WDR64: variants seen among roughly 807,000 people sequenced by gnomAD.
WDR64 encodes the protein WD repeat domain 64.
In WDR64, 112 loss-of-function variants were observed where a neutral mutation model predicts 139.3. The observed-to-expected ratio is 0.80, with a 90% confidence interval of 0.69 to 0.94. The LOEUF (loss-of-function observed/expected upper bound fraction) is 0.94, where lower values mean the gene tolerates loss of function less well. Ranked by LOEUF, WDR64 falls within the 40% of genes least tolerant of loss-of-function variation. The pLI is 0.00. For missense variants in WDR64, 1,206 were observed against 1,293.1 expected (o/e 0.93, Z 1.03); for synonymous variants, 444 against 437.7 (o/e 1.01, Z -0.18).
rs766802128 is a variant in WDR64 at position 241,784,953 on chromosome 1, G to GGAAAAAAAAAAAAAAAAAAA, written c.2705+1572_2705+1573insGAAAAAAAAAAAAAAAAAAA. 6.7e-4 allele frequency among the ~76,000 whole-genome samples: 42 copies of GGAAAAAAAAAAAAAAAAAAA among 62,248 alleles called. 12 individuals carry two copies. Among genetic ancestry groups the GGAAAAAAAAAAAAAAAAAAA allele is most frequent in the South Asian group, 2.7e-3 (3 of 1,108 alleles). 40.8% of individuals were successfully genotyped at this position (62,248 alleles called of 152,430 possible). A position where few individuals can be genotyped will look rare whatever the true frequency, so the allele number is the denominator to read the frequency against. ...TGGGCGACAGAGTGAGACTCTGTCT[G>GGAAAAAAAAAAAAAAAAAAA]AAAAAAAAAAAAAAAAAAAAAAAGA... On this transcript the variant is annotated intron_variant, in intron 23 of 27. Transcript: ENST00000437684.
chr1:241,671,301 G>C, intron 3 of WDR64, 125 bp downstream of exon 3: 1 of 664,680 alleles, frequency 1.5e-6, no homozygotes, highest in South Asian at 2.2e-5. Flanking sequence ...TTATCACTAG[G>C]TGTCGGGGGT....
chr1:241,669,408 T>C (rs933600876), intron 2 of WDR64, among the ~76,000 whole-genome samples: 2 of 152,230 alleles, frequency 1.3e-5, no homozygotes, highest in African/African-American at 4.8e-5. Flanking sequence ...AACCTTCCTG[T>C]CCACTCCAAC....
intron 1 of WDR64, among the ~76,000 whole-genome samples, chr1:241,652,942 C>G (rs1398549274): frequency 6.6e-6 from 1 of 152,162 alleles, no homozygotes; most frequent in Non-Finnish European, 1.5e-5. Flanking sequence ...TTTGATGGCT[C>G]ACTGGTTGAC....
intron 16 of WDR64, among the ~76,000 whole-genome samples, chr1:241,767,970 T>C (rs919332265): frequency 6.6e-6 from 1 of 152,160 alleles, no homozygotes; most frequent in African/African-American, 2.4e-5. Context: ...CACTGCAAAC[T>C]TCCCCTCCTT....
Position 241,773,086 on chromosome 1 carries a change from C to T in WDR64, c.2430+155C>T, listed in dbSNP as rs371089573. ...GATCTTGCAGCCTGTTTATTGATAA[C>T]GCTATCCAAACTTTACGAGAGAAGG... On this transcript the variant is annotated intron_variant, in intron 20 of 27. Transcript: ENST00000437684. Among the ~76,000 whole-genome samples, 38 of 152,292 alleles carry T rather than the reference C, an allele frequency of 2.5e-4. No homozygotes were observed. The South Asian group carries it at 7.3e-3, about 29-fold the overall frequency.
intron 8 of WDR64, among the ~76,000 whole-genome samples, chr1:241,706,966 C>T (rs773497879): frequency 5.9e-5 from 9 of 152,038 alleles, no homozygotes; most frequent in Non-Finnish European, 1.2e-4. Flanking sequence ...TTGATCTTTG[C>T]TTGTTGTGGT....
At chr1:241,759,138 G>T (rs1031662410) in intron 15 of WDR64, among the ~76,000 whole-genome samples, 10 of 151,740 alleles carry the variant, frequency 6.6e-5, no homozygotes, top group Admixed American at 5.3e-4. Context: ...TGCTATCATT[G>T]TACATTACAT....
intron 25 of WDR64, among the ~76,000 whole-genome samples, chr1:241,792,961 C>T (rs917479961): frequency 1.3e-5 from 2 of 152,144 alleles, no homozygotes; most frequent in Admixed American, 6.5e-5. Flanking sequence ...AATAGCAAAT[C>T]CCTGAAAGCA....
In WDR64 at chr1:241,749,691, T is replaced by C; in HGVS notation, c.1739T>C (p.Leu580Ser). Residue 580 changes from leucine (L) to serine (S), a missense_variant, in exon 14 of 28, where the codon TTG becomes TCG. Coordinates refer to ENST00000437684, the MANE Select transcript of WDR64 (RefSeq NM_001367482.1). ...AAACACCAGCAGCTGGTCCTGGCCT[T>C]GGAGCGCAACGGGACTATCAAAATG... The part of the protein sequence containing the change: ...QEKHQQLVLA[L>S]ERNGTIKMIQ... 1.9e-6 allele frequency: 3 copies of C among 1,614,110 alleles called. No individual in the cohort carries two copies. Among genetic ancestry groups the C allele is most frequent in the South Asian group, 2.2e-5 (2 of 91,076 alleles).
intron 9 of WDR64, among the ~76,000 whole-genome samples, chr1:241,717,064 G>T (rs1051380785): frequency 8.5e-5 from 13 of 152,158 alleles, no homozygotes; most frequent in African/African-American, 3.1e-4. Context: ...GATCACCTAT[G>T]GGTGCAAGGC....
chr1:241,773,255 A>G (rs1658528270), intron 20 of WDR64, among the ~76,000 whole-genome samples: 1 of 152,220 alleles, frequency 6.6e-6, no homozygotes, highest in African/African-American at 2.4e-5. Flanking sequence ...GCATACAGAT[A>G]GATACCCGTA....
At chr1:241,690,391 A>T (rs1667171045) in intron 8 of WDR64, among the ~76,000 whole-genome samples, 1 of 152,042 alleles carries the variant, frequency 6.6e-6, no homozygotes, top group Non-Finnish European at 1.5e-5. Context: ...GAATTGCTTA[A>T]ACCTGGGAGG....
At chr1:241,692,028 T>TAAAAAAAAAAAAAAAAA (rs77284427) in intron 8 of WDR64, among the ~76,000 whole-genome samples, 2 of 113,736 alleles carry the variant, frequency 1.8e-5, no homozygotes, top group African/African-American at 3.2e-5. Flanking sequence ...AATAAAAAAA[T>TAAAAAAAAAAAAAAAAA]AAAAAAAAAA....
At chr1:241,734,965 CAT>C (rs1669240296) in intron 10 of WDR64, among the ~76,000 whole-genome samples, 1 of 152,160 alleles carries the variant, frequency 6.6e-6, no homozygotes, top group African/African-American at 2.4e-5. Flanking sequence ...TTAAGCAGCA[CAT>C]GTCTATATCA....
In WDR64 at chr1:241,796,325, TG is replaced by T; in HGVS notation, c.3149del (p.Gly1050AlafsTer22). 6.2e-7 allele frequency: 1 copy of T among 1,613,898 alleles called. No individual in the cohort carries two copies. The highest frequency in any genetic ancestry group is 8.5e-7 in the Non-Finnish European group (1 of 1,179,910). On this transcript the variant is annotated frameshift_variant, in exon 27 of 28. Transcript: ENST00000437684. LOFTEE classifies it low-confidence loss of function (END_TRUNC). ...GVEAQKDSSD[G>X]ITGKKKGGHV... ...TAGAAGCCCAAAAGGACTCTTCAGA[TG>T]GCATTACAGGAAAGAAGAAGGGAGG...
In WDR64 at chr1:241,658,589, T is replaced by C. The variant is rs1008820299; in HGVS notation, c.146-1941T>C. On this transcript the variant is annotated intron_variant, in intron 1 of 27. Transcript: ENST00000437684. ...GGGAGGTAAAAGCTGCAGTGAGTCA[T>C]GATTGTGCCACTGCACTCCAGCCTG... Among the ~76,000 whole-genome samples the C allele has an allele frequency of 2.7e-5, 4 of 146,956 alleles. No individual in the cohort carries two copies. In the Admixed American group the frequency reaches 2.8e-4, roughly 10 times the overall value.
In WDR64 at chr1:241,679,564, T is replaced by A. The variant is rs1201922820; in HGVS notation, c.593T>A (p.Val198Asp). 6.4e-7 allele frequency: 1 copy of A among 1,551,834 alleles called. No homozygotes were observed. The highest frequency in any genetic ancestry group is 8.7e-7 in the Non-Finnish European group (1 of 1,146,930). ...GCCACAACCGAAAGGACCATTATTG[T>A]CTGGGATTATAAAGCTCAAGGGAGC... ...IVATTERTII[V>D]WDYKAQGSSQ... The change falls in exon 6 of 28, where the codon GTC becomes GAC. Residue 198 changes from valine to aspartate, a missense_variant. Physicochemically the swap from Val to Asp is radical, Grantham distance 152. Transcript: ENST00000437684.
At position 241,656,912 on chromosome 1, in the gene WDR64, C is replaced by A. The variant is rs12566066; in HGVS notation, c.146-3618C>A. On this transcript the variant is annotated intron_variant, in intron 1 of 27. Coordinates refer to ENST00000437684, the MANE Select transcript of WDR64 (RefSeq NM_001367482.1). This position sits in a 1 kb window ranked among gnomAD's most constrained non-coding sequence, Gnocchi z 4.3. ...TGTGTGTGTGTGTGTGTGTGTGTGT[C>A]TGTCTGGGGATGGAGGTGAGGTGCA... Among the ~76,000 whole-genome samples, 1 of 148,062 alleles carries A rather than the reference C, an allele frequency of 6.8e-6. No individual in the cohort carries two copies. The highest frequency in any genetic ancestry group is 6.7e-5 in the Admixed American group (1 of 15,000).
chr1:241,713,604 A>G (rs1325402098), intron 9 of WDR64, among the ~76,000 whole-genome samples: 1 of 152,190 alleles, frequency 6.6e-6, no homozygotes, highest in African/African-American at 2.4e-5. Context: ...GATTGAGATA[A>G]TTTATGCTTG....
Sources: gnomAD v4.1 joint callset for allele counts (sites outside exome capture counted in the v4.1 genomes callset) on GRCh38, gnomAD v4.1.1 for gene constraint, Gnocchi (gnomAD v3.1) non-coding constraint, MANE v1.5 for transcripts, NCBI Gene and HGNC (gene_info 2026-07-23, HGNC 2026-07-21) for gene names.